LRP1B: variants seen among roughly 807,000 people sequenced by gnomAD.
LRP1B encodes the protein low-density lipoprotein receptor-related protein 1B.
A neutral mutation model predicts 556.6 loss-of-function variants in LRP1B; 217 were observed. That is an observed-to-expected ratio of 0.39 (90% CI 0.35 to 0.44). The LOEUF is 0.44. LRP1B is among the 20% of genes least tolerant of loss of function. The probability of loss-of-function intolerance (pLI) is 1.00; values close to 1 mark genes in which losing one functional copy is unlikely to be tolerated. For synonymous variants in LRP1B, 2,047 were observed against 1,865.8 expected, an observed-to-expected ratio of 1.10 and a Z score of -2.50; for missense variants, 5,053 against 5,620.8, an observed-to-expected ratio of 0.90 and a Z score of 3.23.
At chr2:141,962,978 A>G (rs1452617939) in intron 1 of LRP1B, among the ~76,000 whole-genome samples, 1 of 151,890 alleles carries the variant, frequency 6.6e-6, no homozygotes, top group African/African-American at 2.4e-5. Flanking sequence ...TCACTGTGCA[A>G]CAAAAGGATT....
intron 32 of LRP1B, among the ~76,000 whole-genome samples, chr2:140,802,844 A>G (rs1340885661): frequency 6.6e-6 from 1 of 152,234 alleles, no homozygotes; most frequent in Non-Finnish European, 1.5e-5. Context: ...TCAAAGGTGC[A>G]GTTTTCAACG....
intron 43 of LRP1B, among the ~76,000 whole-genome samples, chr2:140,572,439 A>C (rs918638187): frequency 1.3e-5 from 2 of 151,854 alleles, no homozygotes; most frequent in African/African-American, 4.8e-5. Flanking sequence ...TCAAAACCAA[A>C]ATAAGATATC....
At chr2:141,367,228 G>A (rs1257641318) in intron 3 of LRP1B, among the ~76,000 whole-genome samples, 1 of 151,998 alleles carries the variant, frequency 6.6e-6, no homozygotes, top group African/African-American at 2.4e-5. Flanking sequence ...CAGCTTGTTA[G>A]TAACAAAAAT....
At chr2:141,367,598 C>A (rs898915667) in intron 3 of LRP1B, among the ~76,000 whole-genome samples, 5 of 150,022 alleles carry the variant, frequency 3.3e-5, no homozygotes, top group African/African-American at 1.2e-4. Context: ...TTCTCCTTCC[C>A]CAGCCTCCCA....
At chr2:140,906,053 T>G (rs1055080304) in intron 22 of LRP1B, among the ~76,000 whole-genome samples, 1 of 152,142 alleles carries the variant, frequency 6.6e-6, no homozygotes, top group Non-Finnish European at 1.5e-5. Flanking sequence ...AATCTAATCC[T>G]TTGGCCAGTA....
chr2:141,739,617 T>C (rs1232605150), intron 2 of LRP1B, among the ~76,000 whole-genome samples: 1 of 151,870 alleles, frequency 6.6e-6, no homozygotes, highest in Non-Finnish European at 1.5e-5. Context: ...GCGAAGTTGT[T>C]TAAAGAACTA....
intron 82 of LRP1B, among the ~76,000 whole-genome samples, chr2:140,318,372 T>G (rs757968248): frequency 9.9e-5 from 15 of 152,116 alleles, no homozygotes; most frequent in Non-Finnish European, 1.8e-4. Context: ...TCTGAAATCA[T>G]GCCTTTTAAG....
chr2:140,670,629 C>T (rs984424755), intron 41 of LRP1B, among the ~76,000 whole-genome samples: 1 of 152,086 alleles, frequency 6.6e-6, no homozygotes, highest in African/African-American at 2.4e-5. Flanking sequence ...AACATAGGTT[C>T]TCTGAACTGA....
chr2:140,776,841 T>C (rs1299981903), intron 32 of LRP1B, among the ~76,000 whole-genome samples: 1 of 151,196 alleles, frequency 6.6e-6, no homozygotes, highest in African/African-American at 2.4e-5. Context: ...GTTCATTTGA[T>C]ATCAGAGAAT....
At chr2:141,419,038 T>C (rs1448528004) in intron 3 of LRP1B, among the ~76,000 whole-genome samples, 1 of 152,124 alleles carries the variant, frequency 6.6e-6, no homozygotes, top group Non-Finnish European at 1.5e-5. Context: ...CAGAATTCTC[T>C]ACATTTAAGA....
At chr2:140,322,157 A>G (rs2105054165) in intron 81 of LRP1B, 69 bp from the exon 82 acceptor site, 3 of 1,394,012 alleles carry the variant, frequency 2.2e-6, no homozygotes, top group Non-Finnish European at 3.0e-6. Context: ...GCATAAAATT[A>G]AATAAGGCGA....
chr2:142,062,351 CAAGG>C (rs942166999), intron 1 of LRP1B, among the ~76,000 whole-genome samples: 3 of 151,734 alleles, frequency 2.0e-5, no homozygotes, highest in Admixed American at 1.3e-4. Flanking sequence ...GGAGCATGAC[CAAGG>C]AAATAAATCT....
At chr2:141,525,908 G>T (rs1050406523) in intron 2 of LRP1B, among the ~76,000 whole-genome samples, 1 of 151,954 alleles carries the variant, frequency 6.6e-6, no homozygotes, top group Non-Finnish European at 1.5e-5. Flanking sequence ...TTCAAATTTA[G>T]CTGGGTGTTC....
chr2:140,784,813 C>A (rs891023221), intron 32 of LRP1B, among the ~76,000 whole-genome samples: 1 of 151,648 alleles, frequency 6.6e-6, no homozygotes, highest in Non-Finnish European at 1.5e-5. Context: ...TTGAAAAAAT[C>A]CTCAAGGAAA....
chr2:141,490,236 A>C (rs1236829481), intron 2 of LRP1B, among the ~76,000 whole-genome samples: 1 of 152,144 alleles, frequency 6.6e-6, no homozygotes, highest in Non-Finnish European at 1.5e-5. Flanking sequence ...ATCACCTAAA[A>C]AGAGAACATC....
intron 35 of LRP1B, among the ~76,000 whole-genome samples, chr2:140,748,802 A>ATATAATATATATCATATATT (rs1688460263): frequency 8.9e-6 from 1 of 111,910 alleles, no homozygotes; most frequent in Non-Finnish European, 1.8e-5. Flanking sequence ...TTATATACAT[A>ATATAATATATATCATATATT]TTATATACAT....
chr2:141,619,780 C>T (rs184102961), intron 2 of LRP1B, among the ~76,000 whole-genome samples: 22 of 150,256 alleles, frequency 1.5e-4, no homozygotes, highest in Non-Finnish European at 2.7e-4. Flanking sequence ...ATTGGCAGAA[C>T]ACAGAGGTAC....
intron 1 of LRP1B, among the ~76,000 whole-genome samples, chr2:142,128,534 C>A (rs1396500364): frequency 6.6e-6 from 1 of 152,180 alleles, no homozygotes; most frequent in African/African-American, 2.4e-5. Flanking sequence ...TAACTTTCAA[C>A]AAGATTTCTC....
At chr2:142,127,639 G>T (rs1187980679) in intron 1 of LRP1B, among the ~76,000 whole-genome samples, 2 of 151,948 alleles carry the variant, frequency 1.3e-5, no homozygotes, top group African/African-American at 2.4e-5. Context: ...AATGTTATTT[G>T]TGGCATATGA....
Sources: allele counts gnomAD v4.1 joint callset (sites outside exome capture counted in the v4.1 genomes callset), GRCh38; gene constraint gnomAD v4.1.1; transcripts MANE v1.5; gene names NCBI Gene and HGNC (gene_info 2026-07-23, HGNC 2026-07-21).